Variants in TAOK3 observed in about 807,000 individuals in gnomAD.
TAOK3 encodes TAO kinase 3, also known as serine/threonine-protein kinase TAO3.
TAOK3 carries 40 observed loss-of-function variants against 120.4 expected under a neutral mutation model. The observed-to-expected ratio is 0.33, with a 90% CI of 0.26 to 0.43. The LOEUF (loss-of-function observed/expected upper bound fraction) is 0.43, where lower values mean the gene tolerates loss of function less well. Among genes scored for constraint, TAOK3 ranks in the 20% least tolerant of loss-of-function variants. The pLI, the probability that TAOK3 is intolerant of heterozygous loss-of-function variation, is 1.00. For missense variants in TAOK3, 821 were observed against 1,112.1 expected (o/e 0.74, Z 3.72); for synonymous variants, 355 against 387.5 (o/e 0.92, Z 0.99).
At chr12:118,209,790 T>G (rs1213009252) in intron 11 of TAOK3, among the ~76,000 whole-genome samples, 1 of 151,602 alleles carries the variant, frequency 6.6e-6, no homozygotes, top group Non-Finnish European at 1.5e-5. Flanking sequence ...CTCGGCTCAC[T>G]GCAACCTCTG....
At chr12:118,284,392 A>C (rs2042194897) in intron 1 of TAOK3, among the ~76,000 whole-genome samples, 1 of 152,166 alleles carries the variant, frequency 6.6e-6, no homozygotes, top group African/African-American at 2.4e-5. Flanking sequence ...GGAGGTCAAG[A>C]GAAACACGGT....
intron 1 of TAOK3, among the ~76,000 whole-genome samples, chr12:118,310,906 A>G (rs982633771): frequency 1.3e-5 from 2 of 152,146 alleles, no homozygotes; most frequent in Non-Finnish European, 2.9e-5. Context: ...TTCATAAGAC[A>G]TTTTGCAACT....
chr12:118,182,735 G>A (rs1233199904), intron 14 of TAOK3, among the ~76,000 whole-genome samples: 8 of 150,042 alleles, frequency 5.3e-5, no homozygotes, highest in Non-Finnish European at 1.2e-4. Context: ...GAGATCAAGA[G>A]ATCTCTTAAA....
chr12:118,324,372 T>G (rs564867624), intron 1 of TAOK3, among the ~76,000 whole-genome samples: 229 of 152,350 alleles, frequency 1.5e-3, no homozygotes, highest in Middle Eastern at 3.4e-3. Flanking sequence ...ATCTATCATT[T>G]GTGTTAGGAA....
Position 118,161,627 on chromosome 12 carries a change from G to T in TAOK3, c.2139+161C>A, listed in dbSNP as rs1438381369. 2.6e-5 allele frequency among the ~76,000 whole-genome samples: 4 copies of T among 152,150 alleles called. No individual in the cohort carries two copies. The highest frequency in any genetic ancestry group is 9.7e-5 in the African/African-American group (4 of 41,438). On this transcript the variant is annotated intron_variant, in intron 18 of 20. Transcript: ENST00000392533. The surrounding 1 kb of genome is among the most constrained non-coding windows in gnomAD (Gnocchi z 4.5). ...AGCTTGCCCAACATCTCCTTTTCAG[G>T]AGCTTAAATATAGACTCTGTGCTTT... is the stretch of plus-strand genomic sequence containing the variant.
intron 17 of TAOK3, among the ~76,000 whole-genome samples, chr12:118,165,623 TC>T (rs1344504223): frequency 1.3e-5 from 2 of 152,246 alleles, no homozygotes; most frequent in East Asian, 3.8e-4. Context: ...TGAGTCAGTT[TC>T]AGCTCCTCTA....
intron 1 of TAOK3, among the ~76,000 whole-genome samples, chr12:118,277,684 C>T (rs2041951786): frequency 6.6e-6 from 1 of 151,978 alleles, no homozygotes; most frequent in Non-Finnish European, 1.5e-5. Flanking sequence ...TGGTCTCAAA[C>T]TCCTGATTTC....
At chr12:118,189,672 T>G in intron 14 of TAOK3, 135 bp downstream of exon 14, 1 of 1,103,566 alleles carries the variant, frequency 9.1e-7, no homozygotes, top group Non-Finnish European at 1.3e-6. Context: ...ATGAATAAAA[T>G]TATTAGGAGA....
chr12:118,243,330 A>T, intron 5 of TAOK3, 85 bp downstream of exon 5: 1 of 724,966 alleles, frequency 1.4e-6, no homozygotes, highest in African/African-American at 1.8e-5. Flanking sequence ...TGAAATTAGT[A>T]ATTTTACAGA....
intron 5 of TAOK3, among the ~76,000 whole-genome samples, chr12:118,242,505 C>T (rs1255315523): frequency 1.3e-5 from 2 of 152,148 alleles, no homozygotes; most frequent in Non-Finnish European, 2.9e-5. Context: ...GAAAGCATAA[C>T]ATTTTCACAT....
chr12:118,297,052 C>T (rs912025322), intron 1 of TAOK3: 2 of 152,114 alleles, frequency 1.3e-5, no homozygotes, highest in Admixed American at 6.5e-5. Flanking sequence ...TCTCTCCGGT[C>T]CTGAGTTTGC....
At chr12:118,304,863 G>A (rs1159134302) in intron 1 of TAOK3, among the ~76,000 whole-genome samples, 2 of 152,076 alleles carry the variant, frequency 1.3e-5, no homozygotes, top group Non-Finnish European at 2.9e-5. Flanking sequence ...AAAGGCAAAT[G>A]GCAAAGAGAA....
At chr12:118,280,391 C>T (rs1294346122) in intron 1 of TAOK3, among the ~76,000 whole-genome samples, 1 of 152,034 alleles carries the variant, frequency 6.6e-6, no homozygotes, top group Non-Finnish European at 1.5e-5. Context: ...AAGAAGGGGT[C>T]CAGTTTCAAT....
intron 15 of TAOK3, 75 bp from the exon 16 acceptor site, chr12:118,177,404 C>A: frequency 7.9e-7 from 1 of 1,272,044 alleles, no homozygotes. Flanking sequence ...TTCTCCAGTG[C>A]AGTAAGACAG....
chr12:118,258,440 G>C (rs771999188), intron 2 of TAOK3, among the ~76,000 whole-genome samples: 1 of 152,162 alleles, frequency 6.6e-6, no homozygotes, highest in East Asian at 1.9e-4. Context: ...CTGGCCGGGC[G>C]CAGTGGCTTA....
At chr12:118,216,596 AATTTTATGGT>A (rs1386094167) in intron 9 of TAOK3, among the ~76,000 whole-genome samples, 1 of 152,208 alleles carries the variant, frequency 6.6e-6, no homozygotes, top group African/African-American at 2.4e-5. Context: ...GAGTACAGTT[AATTTTATGGT>A]ATTTATTAGT....
At chr12:118,215,040 C>T (rs1309709436) in intron 9 of TAOK3, among the ~76,000 whole-genome samples, 19 of 151,214 alleles carry the variant, frequency 1.3e-4, no homozygotes, top group Admixed American at 3.3e-4. Context: ...CCACTGCGCC[C>T]GGCCTAATTT....
At chr12:118,369,421 A>G (rs1593726029) in intron 1 of TAOK3, among the ~76,000 whole-genome samples, 1 of 152,192 alleles carries the variant, frequency 6.6e-6, no homozygotes, top group East Asian at 1.9e-4. Context: ...ACCATAATAT[A>G]ATGTGGTTGA....
chr12:118,295,164 C>T (rs1013180807), intron 1 of TAOK3: 2 of 152,062 alleles, frequency 1.3e-5, no homozygotes, highest in African/African-American at 2.4e-5. Context: ...CCTCAGCCTC[C>T]TGAGTAGCTG....
Sources: gnomAD v4.1 joint callset for allele counts (sites outside exome capture counted in the v4.1 genomes callset) on GRCh38, gnomAD v4.1.1 for gene constraint, Gnocchi (gnomAD v3.1) non-coding constraint, MANE v1.5 for transcripts, NCBI Gene and HGNC (gene_info 2026-07-23, HGNC 2026-07-21) for gene names.